The following ANKRD44 variants were observed in gnomAD, a reference collection of about 807,000 sequenced individuals.
The protein encoded by ANKRD44 is serine/threonine-protein phosphatase 6 regulatory ankyrin repeat subunit B.
In ANKRD44, 35 loss-of-function variants were observed where a neutral mutation model predicts 116.0. That is an observed-to-expected ratio of 0.30 (90% confidence interval 0.23 to 0.40). ANKRD44 has a LOEUF of 0.40. ANKRD44 is among the 10% of genes least tolerant of loss of function. ANKRD44 has a pLI of 1.00. For synonymous variants in ANKRD44, 435 were observed against 461.8 expected, an observed-to-expected ratio of 0.94 and a Z score of 0.74; for missense variants, 1,014 against 1,242.6, an observed-to-expected ratio of 0.82 and a Z score of 2.77.
rs1041150972 is a variant in ANKRD44 at position 197,304,604 on chromosome 2, A to G, written c.27+5974T>C. 5.9e-5 allele frequency among the ~76,000 whole-genome samples: 9 copies of G among 152,362 alleles called. No individual in the cohort carries two copies. In the South Asian group the frequency reaches 6.2e-4, roughly 11 times the overall value. Reference sequence around the variant, plus strand: ...AGGGAGAGGGCAGAGCTGAGGCACCATAAAGGCATCCAGTCCAACCTCTTC... The same window carrying G: ...AGGGAGAGGGCAGAGCTGAGGCACCGTAAAGGCATCCAGTCCAACCTCTTC... On this transcript the variant is annotated intron_variant, in intron 1 of 27. Transcript: ENST00000282272.
chr2:197,232,357 G>A (rs2081884808), intron 1 of ANKRD44, among the ~76,000 whole-genome samples: 1 of 152,184 alleles, frequency 6.6e-6, no homozygotes, highest in African/African-American at 2.4e-5. Context: ...AAAAGTGCTT[G>A]TCATTTGAGG....
intron 1 of ANKRD44, among the ~76,000 whole-genome samples, chr2:197,299,268 C>A (rs1219673042): frequency 1.3e-5 from 2 of 151,172 alleles, no homozygotes; most frequent in East Asian, 1.9e-4. Flanking sequence ...TTTGTAATTT[C>A]TTATTTAACA....
In ANKRD44 at chr2:197,078,735, C is replaced by A. The variant is rs748272048; in HGVS notation, c.1618G>T (p.Ala540Ser). 1 of 1,612,154 alleles carries A rather than the reference C, an allele frequency of 6.2e-7. No homozygotes were observed. Among genetic ancestry groups the A allele is most frequent in the Non-Finnish European group, 8.5e-7 (1 of 1,178,922 alleles). The change falls in exon 16 of 28, where the codon GCC becomes TCC. Residue 540 changes from alanine (A) to serine (S), a missense_variant. Coordinates refer to ENST00000282272, the MANE Select transcript of ANKRD44 (RefSeq NM_001195144.2). Reference sequence around the variant, plus strand: ...AGACACTGCCTGTGCCCATAGGCGGCAGCATAATGTATGCTATTGTAACCT... The same window carrying A: ...AGACACTGCCTGTGCCCATAGGCGGAAGCATAATGTATGCTATTGTAACCT... ...KEGYNSIHYA[A>S]AYGHRQCLEL... is the part of the protein sequence containing the mutation.
intron 17 of ANKRD44, among the ~76,000 whole-genome samples, chr2:197,024,270 A>G (rs1232682617): frequency 6.6e-6 from 1 of 152,230 alleles, no homozygotes; most frequent in Non-Finnish European, 1.5e-5. Context: ...TTAAACAAAG[A>G]AACCCAGCCC....
At chr2:197,303,844 A>G (rs1368927105) in intron 1 of ANKRD44, among the ~76,000 whole-genome samples, 1 of 152,254 alleles carries the variant, frequency 6.6e-6, no homozygotes, top group East Asian at 1.9e-4. Flanking sequence ...TATGAATATC[A>G]TAATTACAAG....
intron 1 of ANKRD44, among the ~76,000 whole-genome samples, chr2:197,273,986 T>A (rs1367217264): frequency 0.38 from 10,586 of 27,916 alleles, 1,788 homozygotes; most frequent in East Asian, 0.47. Context: ...AAAAAATATA[T>A]ATATATATAT....
intron 16 of ANKRD44, among the ~76,000 whole-genome samples, chr2:197,065,035 T>C (rs2077400781): frequency 1.3e-5 from 2 of 152,168 alleles, no homozygotes; most frequent in East Asian, 1.9e-4. Flanking sequence ...TATTCCAAAA[T>C]TGACCACATA....
rs1367185137 is a variant in ANKRD44 at position 197,212,614 on chromosome 2, C to T, written c.28-25508G>A. Among the ~76,000 whole-genome samples the T allele has an allele frequency of 6.6e-6, 1 of 152,226 alleles. No homozygotes were observed. Among genetic ancestry groups the T allele is most frequent in the African/African-American group, 2.4e-5 (1 of 41,460 alleles). On this transcript the variant is annotated intron_variant, in intron 1 of 27. Coordinates refer to ENST00000282272, the MANE Select transcript of ANKRD44 (RefSeq NM_001195144.2). This position sits in a 1 kb window ranked among gnomAD's most constrained non-coding sequence, Gnocchi z 4.8. ...AACACATTTGTTCACCCTGCCTCTT[C>T]CACTCTCCTTTTATAGGGAGTATTA...
At chr2:197,199,213 G>A (rs1346917383) in intron 1 of ANKRD44, 1 of 150,816 alleles carries the variant, frequency 6.6e-6, no homozygotes. Flanking sequence ...TCATGAGAAA[G>A]AAAAAAAAAT....
intron 27 of ANKRD44, chr2:196,991,058 A>C: frequency 1.2e-6 from 1 of 830,668 alleles, no homozygotes; most frequent in East Asian, 3.4e-5. Flanking sequence ...GCCAGGTAAA[A>C]CGAGGAGTTA....
chr2:197,245,709 C>T (rs1298583413), intron 1 of ANKRD44, among the ~76,000 whole-genome samples: 1 of 152,176 alleles, frequency 6.6e-6, no homozygotes. Context: ...TACCATGAGG[C>T]CACATTCCTT....
chr2:197,210,409 C>T (rs1275695325), intron 1 of ANKRD44, among the ~76,000 whole-genome samples: 2 of 152,140 alleles, frequency 1.3e-5, no homozygotes, highest in African/African-American at 4.8e-5. Flanking sequence ...TGTAAGTAAC[C>T]TGACTGATGT....
At chr2:197,160,041 T>G (rs1156571952) in intron 2 of ANKRD44, among the ~76,000 whole-genome samples, 3 of 152,044 alleles carry the variant, frequency 2.0e-5, no homozygotes, top group African/African-American at 7.3e-5. Context: ...GCCTATATGA[T>G]AGACACACAC....
intron 25 of ANKRD44, among the ~76,000 whole-genome samples, chr2:196,996,773 G>A (rs1046275526): frequency 4.6e-5 from 7 of 151,794 alleles, no homozygotes; most frequent in Non-Finnish European, 7.4e-5. Flanking sequence ...GCATGGTGGC[G>A]CATGCCTGTA....
chr2:197,050,832 TA>T (rs1401279035), intron 16 of ANKRD44, among the ~76,000 whole-genome samples: 1 of 152,214 alleles, frequency 6.6e-6, no homozygotes, highest in Non-Finnish European at 1.5e-5. Flanking sequence ...GCCGTCAGGT[TA>T]TTTTTTGAAA....
chr2:197,147,789 T>C (rs755510614), intron 2 of ANKRD44: 2 of 418,666 alleles, frequency 4.8e-6, no homozygotes, highest in African/African-American at 2.1e-5. Context: ...AAACACCGTA[T>C]GGGATTAAGT....
chr2:197,012,538 C>G (rs898721137), intron 18 of ANKRD44, among the ~76,000 whole-genome samples: 2 of 151,310 alleles, frequency 1.3e-5, no homozygotes, highest in African/African-American at 4.9e-5. Flanking sequence ...AACCTTATGG[C>G]TAACGTTTTT....
chr2:196,987,556 A>G lies in ANKRD44; in HGVS notation c.*2035T>C, dbSNP rs866480355. On this transcript the variant is annotated 3_prime_UTR_variant, in exon 28 of 28. Coordinates refer to ENST00000282272, the MANE Select transcript of ANKRD44 (RefSeq NM_001195144.2). The stretch of plus-strand genomic sequence containing the variant: ...AAATCCATTTGATGTTCTTGTTCTA[A>G]TTTAATAACAAAATGATAAACCAAG... 4.5e-5 allele frequency: 44 copies of G among 985,334 alleles called. No homozygotes were observed. The African/African-American group carries it at 6.8e-4, about 15-fold the overall frequency. The allele number at this position is 985,334 out of a possible 1,614,324, so 61.0% of individuals were successfully genotyped here. A position where few individuals can be genotyped will look rare whatever the true frequency, so the allele number is the denominator to read the frequency against.
chr2:197,013,524 T>C lies in ANKRD44; in HGVS notation c.1911A>G (p.Pro637=), dbSNP rs77830956. Residue 637 remains proline (P), a synonymous_variant, in exon 18 of 28, where the codon CCA becomes CCG. Coordinates refer to ENST00000282272, the MANE Select transcript of ANKRD44 (RefSeq NM_001195144.2). ...GACAAGACCTACCTGAGGCATGAAG[T>C]GGGGTTCTTTTGGTTACATTGTCTT... ...FVKDNVTKRT[P]LHASVINGHT... 3.4e-4 allele frequency: 550 copies of C among 1,614,132 alleles called. 2 individuals carry two copies. The African/African-American group carries it at 4.6e-3, about 14-fold the overall frequency.
Sources: gnomAD v4.1 joint callset for allele counts (sites outside exome capture counted in the v4.1 genomes callset) on GRCh38, gnomAD v4.1.1 for gene constraint, Gnocchi (gnomAD v3.1) non-coding constraint, MANE v1.5 for transcripts, NCBI Gene and HGNC (gene_info 2026-07-23, HGNC 2026-07-21) for gene names.